The following FAAH2 variants were observed in gnomAD, a reference collection of about 807,000 sequenced individuals.
The protein encoded by FAAH2 is fatty-acid amide hydrolase 2.
Under a neutral mutation model 36.9 loss-of-function variants are expected in FAAH2, and 60 were observed. The ratio of observed to expected loss-of-function variants is 1.63; its 90% CI spans 1.32 to 2.02. FAAH2 has a LOEUF of 2.02. FAAH2 is among the 30% of genes most tolerant of loss of function. The probability of loss-of-function intolerance (pLI) is 0.00; values close to 1 mark genes in which losing one functional copy is unlikely to be tolerated. For synonymous variants in FAAH2, 214 were observed against 143.8 expected, an observed-to-expected ratio of 1.49 and a Z score of -3.49; for missense variants, 689 against 397.5, an observed-to-expected ratio of 1.73 and a Z score of -6.23.
At chrX:57,172,639 C>G in the FAAH2 span, among the ~76,000 whole-genome samples, 1 of 111,819 alleles carries the variant, frequency 8.9e-6, no homozygotes, top group Non-Finnish European at 1.9e-5. Flanking sequence ...AGAATTAATA[C>G]AAGGTTTTAT....
chrX:57,484,855 G>A (rs926591698), intron 10 of FAAH2, among the ~76,000 whole-genome samples: 6 of 110,963 alleles, frequency 5.4e-5, no homozygotes, highest in Non-Finnish European at 7.5e-5. Flanking sequence ...TGACATTTAC[G>A]AGTCCTGAAG....
upstream of FAAH2, among the ~76,000 whole-genome samples, chrX:57,284,151 C>A (rs920719800): frequency 7.1e-5 from 8 of 111,999 alleles, no homozygotes; most frequent in African/African-American, 2.3e-4. Context: ...AGAACTCAGG[C>A]AGGGCTGGGG....
At chrX:57,265,936 T>C in the FAAH2 span, among the ~76,000 whole-genome samples, 1 of 111,389 alleles carries the variant, frequency 9.0e-6, no homozygotes, top group Non-Finnish European at 1.9e-5. Flanking sequence ...CCACTGGTGT[T>C]CTCTGGCTGA....
chrX:57,408,582 G>A (rs988195594), intron 7 of FAAH2, among the ~76,000 whole-genome samples: 2 of 107,783 alleles, frequency 1.9e-5, no homozygotes, highest in African/African-American at 6.7e-5. Context: ...TCATTGCTCT[G>A]GCTAAGACTT....
At chrX:57,283,588 A>G (rs537387851), upstream of FAAH2, among the ~76,000 whole-genome samples, 2 of 111,197 alleles carry the variant, frequency 1.8e-5, no homozygotes, top group East Asian at 5.7e-4. Flanking sequence ...ATACAAAGCC[A>G]CTAGCAGAGG....
chrX:57,451,534 G>A (rs138806587), intron 10 of FAAH2, among the ~76,000 whole-genome samples: 4,609 of 111,254 alleles, frequency 0.041, 105 homozygotes, highest in Non-Finnish European at 0.065. Context: ...TTCTGGAATA[G>A]GTGACCCCTG....
intron 2 of FAAH2, among the ~76,000 whole-genome samples, chrX:57,301,334 C>T (rs1372043026): frequency 3.0e-4 from 33 of 108,915 alleles, no homozygotes; most frequent in African/African-American, 1.1e-3. Flanking sequence ...AAGCTGGAAA[C>T]CATCATTCTC....
At chrX:57,341,612 G>C (rs932936888) in intron 5 of FAAH2, among the ~76,000 whole-genome samples, 1 of 107,390 alleles carries the variant, frequency 9.3e-6, no homozygotes, top group African/African-American at 3.4e-5. Context: ...AGTTATAATA[G>C]TTGTTTTTTT....
chrX:57,348,178 G>A (rs1182936608), intron 5 of FAAH2, among the ~76,000 whole-genome samples: 1 of 110,239 alleles, frequency 9.1e-6, no homozygotes, highest in Non-Finnish European at 1.9e-5. Context: ...GGATCCTGCA[G>A]ATTGCACAAC....
At chrX:57,242,700 G>A in the FAAH2 span, among the ~76,000 whole-genome samples, 7 of 111,915 alleles carry the variant, frequency 6.3e-5, no homozygotes, top group African/African-American at 2.0e-4. Context: ...GTAAGGGACT[G>A]TGCCATGAAG....
chrX:57,482,479 T>C (rs1362718247), intron 10 of FAAH2, among the ~76,000 whole-genome samples: 2 of 110,948 alleles, frequency 1.8e-5, no homozygotes, highest in Non-Finnish European at 3.8e-5. Flanking sequence ...TAGCTTCCTT[T>C]GGCTGGGAGA....
chrX:57,424,012 T>A (rs953891528), intron 7 of FAAH2, among the ~76,000 whole-genome samples: 2 of 111,472 alleles, frequency 1.8e-5, no homozygotes, highest in Non-Finnish European at 3.8e-5. Context: ...AAAGGAGATA[T>A]GATCTGTGTG....
chrX:57,294,859 C>T (rs2052085585), intron 2 of FAAH2, among the ~76,000 whole-genome samples: 1 of 111,011 alleles, frequency 9.0e-6, no homozygotes, highest in South Asian at 3.8e-4. Context: ...TCATGAAGGG[C>T]CCAGAAACCA....
At chrX:57,349,311 A>G (rs2053929142) in intron 5 of FAAH2, among the ~76,000 whole-genome samples, 1 of 96,908 alleles carries the variant, frequency 1.0e-5, no homozygotes, top group African/African-American at 3.6e-5. Context: ...ATACATACAT[A>G]CATATATACA....
the FAAH2 span, among the ~76,000 whole-genome samples, chrX:57,199,936 C>T: frequency 3.6e-5 from 4 of 111,155 alleles, no homozygotes; most frequent in Admixed American, 1.9e-4. Context: ...TAATTAATAT[C>T]GAATACGTTT....
the FAAH2 span, among the ~76,000 whole-genome samples, chrX:57,155,293 G>A: frequency 2.2e-4 from 25 of 111,657 alleles, no homozygotes; most frequent in African/African-American, 6.8e-4. Flanking sequence ...AGTGGGGCAG[G>A]GTTAGGTGTG....
At chrX:57,175,641 A>G in the FAAH2 span, among the ~76,000 whole-genome samples, 1 of 110,646 alleles carries the variant, frequency 9.0e-6, no homozygotes, top group East Asian at 2.9e-4. Flanking sequence ...TGTTTTCTTT[A>G]TTGTGTTATT....
chrX:57,207,542 C>A, the FAAH2 span, among the ~76,000 whole-genome samples: 1 of 112,156 alleles, frequency 8.9e-6, no homozygotes, highest in African/African-American at 3.2e-5. Context: ...ATTTGTGATT[C>A]CAAATCCTCC....
intron 7 of FAAH2, among the ~76,000 whole-genome samples, chrX:57,428,423 T>G (rs2056213885): frequency 8.9e-6 from 1 of 111,751 alleles, no homozygotes; most frequent in Admixed American, 9.5e-5. Flanking sequence ...CAAAAGAGCT[T>G]GCATAGCCAA....
Sources: allele counts gnomAD v4.1 joint callset (sites outside exome capture counted in the v4.1 genomes callset), GRCh38; gene constraint gnomAD v4.1.1; transcripts MANE v1.5; gene names NCBI Gene and HGNC (gene_info 2026-07-23, HGNC 2026-07-21).